CCM2: variants seen among roughly 807,000 people sequenced by gnomAD.
CCM2 encodes the protein cerebral cavernous malformations 2 protein.
In CCM2, 25 loss-of-function variants were observed where a neutral mutation model predicts 44.9. The observed-to-expected ratio is 0.56, with a 90% confidence interval of 0.41 to 0.78. CCM2 has a LOEUF of 0.78. CCM2 is among the 30% of genes least tolerant of loss of function. CCM2 has a pLI of 0.00. For synonymous variants in CCM2, 219 were observed against 241.1 expected (o/e 0.91, Z 0.85); for missense variants, 481 against 580.6 (o/e 0.83, Z 1.76).
Position 45,038,945 on chromosome 7 carries a change from G to A in CCM2, c.204+519G>A, listed in dbSNP as rs1797352456. 2.0e-5 allele frequency among the ~76,000 whole-genome samples: 3 copies of A among 152,308 alleles called. No homozygotes were observed. The South Asian group carries it at 6.2e-4, about 32-fold the overall frequency. The stretch of plus-strand genomic sequence containing the variant: ...TAAAATGAAAATATATGAATAAAAA[G>A]GTATAAAGCCATGAGGTCAGAGAGA... On this transcript the variant is annotated intron_variant, in intron 2 of 9. Transcript: ENST00000258781.
At chr7:45,014,111 G>A (rs140557923) in intron 1 of CCM2, among the ~76,000 whole-genome samples, 1 of 151,948 alleles carries the variant, frequency 6.6e-6, no homozygotes, top group African/African-American at 2.4e-5. Flanking sequence ...GCTGGCTCTG[G>A]TCTCTTATTT....
rs1269391204 is a variant in CCM2, at chr7:45,027,421, TC to T, written c.31-10831del. On this transcript the variant is annotated intron_variant, in intron 1 of 9. Transcript: ENST00000258781. ...ATGTCCTTCTGTTGACTGCAGAATT[TC>T]TGCTGGAAATGCAGGGAGGCTGCTT... 4 of 525,664 alleles carry T rather than the reference TC, an allele frequency of 7.6e-6. No individual in the cohort carries two copies. The African/African-American group carries it at 7.7e-5, about 10-fold the overall frequency. 32.6% of individuals were successfully genotyped at this position (525,664 alleles called of 1,614,324 possible).
intron 1 of CCM2, among the ~76,000 whole-genome samples, chr7:45,023,540 A>T (rs372181243): frequency 1.6e-4 from 25 of 152,188 alleles, no homozygotes; most frequent in South Asian, 1.5e-3. Context: ...ACAGAGTGAG[A>T]CTCCGTCTCA....
At chr7:45,072,849 AG>A (rs1278043094) in intron 7 of CCM2, 66 bp downstream of exon 7, 2 of 1,349,724 alleles carry the variant, frequency 1.5e-6, no homozygotes, top group African/African-American at 2.9e-5. Context: ...GGTGTTGTCC[AG>A]GCTGCAGCCA....
intron 1 of CCM2, among the ~76,000 whole-genome samples, chr7:45,006,205 A>G (rs1257708973): frequency 1.3e-5 from 2 of 152,142 alleles, no homozygotes; most frequent in Non-Finnish European, 2.9e-5. Flanking sequence ...GTGGGCAGTC[A>G]GTTTCATGTG....
chr7:45,040,898 G>A (rs1026937338), intron 2 of CCM2, among the ~76,000 whole-genome samples: 1 of 152,214 alleles, frequency 6.6e-6, no homozygotes, highest in Non-Finnish European at 1.5e-5. Context: ...GCTGAGGCAC[G>A]AGAATAGCTT....
At chr7:45,054,991 A>T (rs1798191692) in intron 2 of CCM2, among the ~76,000 whole-genome samples, 1 of 152,206 alleles carries the variant, frequency 6.6e-6, no homozygotes, top group South Asian at 2.1e-4. Flanking sequence ...TCCTACTATA[A>T]ATATTTCACA....
chr7:45,007,121 C>T (rs1425124238), intron 1 of CCM2, among the ~76,000 whole-genome samples: 4 of 152,180 alleles, frequency 2.6e-5, no homozygotes, highest in Non-Finnish European at 4.4e-5. Context: ...AACATGGCCA[C>T]GGACGAGCTG....
Position 45,012,721 on chromosome 7 carries a change from A to T in CCM2, c.30+12358A>T, listed in dbSNP as rs186738844. Among the ~76,000 whole-genome samples the T allele has an allele frequency of 8.3e-3, 1,206 of 145,556 alleles. 17 individuals carry two copies. The highest frequency in any genetic ancestry group is 0.028 in the African/African-American group (1,132 of 39,866). The stretch of plus-strand genomic sequence containing the variant: ...AGGTGTGCGCCACCATGCCTGGCTA[A>T]TTTTTTTTTTTTTAGAGATGGGGTC... On this transcript the variant is annotated intron_variant, in intron 1 of 9. Transcript: ENST00000258781.
Position 45,064,661 on chromosome 7 carries a change from G to C in CCM2, c.472+15G>C. The C allele has an allele frequency of 1.9e-6, 3 of 1,613,380 alleles. No homozygotes were observed. Among genetic ancestry groups the C allele is most frequent in the Admixed American group, 1.7e-5 (1 of 60,010 alleles). ...CCTGAAGACAGGTACAGGAGGTCAG[G>C]GGTCAGGAGGGTCCTTGTCCTAAGG... On this transcript the variant is annotated intron_variant, in intron 4 of 9. Coordinates refer to ENST00000258781, the MANE Select transcript of CCM2 (RefSeq NM_031443.4).
intron 8 of CCM2, chr7:45,073,919 T>C: frequency 1.9e-6 from 1 of 517,848 alleles, no homozygotes; most frequent in South Asian, 2.2e-5. Flanking sequence ...CAAACTCAAG[T>C]CTTCCTGATT....
intron 9 of CCM2, 44 bp downstream of exon 9, chr7:45,074,452 T>TG: frequency 6.5e-7 from 1 of 1,544,690 alleles, no homozygotes. Context: ...AAACCTGGCT[T>TG]GGAGAGGCTG....
chr7:45,001,813 A>G (rs919287565), intron 1 of CCM2, among the ~76,000 whole-genome samples: 1 of 152,262 alleles, frequency 6.6e-6, no homozygotes, highest in African/African-American at 2.4e-5. Flanking sequence ...GTGAAAAAAC[A>G]GTAAAATTAT....
At chr7:45,035,803 C>A (rs936704167) in intron 1 of CCM2, among the ~76,000 whole-genome samples, 11 of 151,942 alleles carry the variant, frequency 7.2e-5, no homozygotes, top group African/African-American at 2.7e-4. Context: ...GAGTAGGAGA[C>A]AGTCTGATTA....
At chr7:45,030,600 G>A (rs1171708645) in intron 1 of CCM2, among the ~76,000 whole-genome samples, 2 of 152,082 alleles carry the variant, frequency 1.3e-5, no homozygotes, top group African/African-American at 4.8e-5. Flanking sequence ...ATATTTTTTA[G>A]AGACAGGTCT....
chr7:45,015,401 T>A (rs1433095604), intron 1 of CCM2, among the ~76,000 whole-genome samples: 1 of 152,168 alleles, frequency 6.6e-6, no homozygotes, highest in African/African-American at 2.4e-5. Flanking sequence ...TCCCCACAGT[T>A]TGCTGTTGGG....
chr7:45,040,378 C>CA (rs575259309), intron 2 of CCM2, among the ~76,000 whole-genome samples: 25 of 130,960 alleles, frequency 1.9e-4, no homozygotes, highest in East Asian at 1.3e-3. Flanking sequence ...GACTCCGTCT[C>CA]AAAAAAAAAA....
chr7:45,051,603 C>T (rs1407994075), intron 2 of CCM2, among the ~76,000 whole-genome samples: 2 of 151,062 alleles, frequency 1.3e-5, no homozygotes, highest in African/African-American at 4.9e-5. Context: ...TGCTCTGTCT[C>T]CCAGGCTGTA....
At chr7:45,061,284 C>T (rs946979515) in intron 2 of CCM2, among the ~76,000 whole-genome samples, 3 of 152,042 alleles carry the variant, frequency 2.0e-5, no homozygotes, top group African/African-American at 7.3e-5. Context: ...ATGTGCTTCT[C>T]AGTTTTGTTT....
Sources: gnomAD v4.1 joint callset for allele counts (sites outside exome capture counted in the v4.1 genomes callset) on GRCh38, gnomAD v4.1.1 for gene constraint, MANE v1.5 for transcripts, NCBI Gene and HGNC (gene_info 2026-07-23, HGNC 2026-07-21) for gene names.